MYOF: variants seen among roughly 807,000 people sequenced by gnomAD.
The protein encoded by MYOF is fer-1-like 3, myoferlin.
A neutral mutation model predicts 284.2 loss-of-function variants in MYOF; 244 were observed. The ratio of observed to expected loss-of-function variants is 0.86; its 90% CI spans 0.77 to 0.95. The LOEUF is 0.95. MYOF is among the 40% of genes least tolerant of loss of function. The pLI, the probability that MYOF is intolerant of heterozygous loss-of-function variation, is 0.00. For synonymous variants in MYOF, 904 were observed against 919.7 expected (o/e 0.98, Z 0.31); for missense variants, 2,496 against 2,560.6 (o/e 0.97, Z 0.54).
intron 24 of MYOF, among the ~76,000 whole-genome samples, chr10:93,372,641 G>A (rs1471340005): frequency 6.6e-6 from 1 of 152,190 alleles, no homozygotes; most frequent in Non-Finnish European, 1.5e-5. Context: ...ATTGCCTTGT[G>A]TGAAATATTA....
rs1847435331 is a variant in MYOF, at chr10:93,404,174, C to T, written c.775G>A (p.Glu259Lys). The T allele has an allele frequency of 1.9e-6, 3 of 1,614,052 alleles. No individual in the cohort carries two copies. The South Asian group carries it at 3.3e-5, about 18-fold the overall frequency. ...ACCCTTACCCGGATGCTGATGATCT[C>T]ATCCATCAATTCAGAAGGGGTCATG... ...VNMTPSELMD[E>K]IISIRVYNSH... Residue 259 changes from glutamate to lysine, a missense_variant, in exon 8 of 54, where the codon GAG (glutamate) becomes AAG (lysine). Around this residue, in one of 3 missense-constraint regions of MYOF, gnomAD observed 2,436 missense variants for 2,480.7 expected, o/e 0.98. Coordinates refer to ENST00000359263, the MANE Select transcript of MYOF (RefSeq NM_013451.4).
intron 24 of MYOF, 96 bp downstream of exon 24, chr10:93,372,834 C>A (rs1474369898): frequency 2.8e-6 from 4 of 1,409,144 alleles, no homozygotes; most frequent in Non-Finnish European, 3.0e-6. Context: ...ATCACCCTTA[C>A]CATTCAATGA....
chr10:93,421,613 G>A lies in MYOF; in HGVS notation c.433+4458C>T, dbSNP rs141714156. ...GTGGCTTCTCCGCAGTAATGAATGA[G>A]TTCACCTGAGAGCTGGTTGTTTAAA... On this transcript the variant is annotated intron_variant, in intron 5 of 53. Coordinates refer to ENST00000359263, the MANE Select transcript of MYOF (RefSeq NM_013451.4). Among the ~76,000 whole-genome samples the A allele has an allele frequency of 2.1e-3, 324 of 152,268 alleles. 2 individuals are homozygous for A. The highest frequency in any genetic ancestry group is 7.2e-3 in the African/African-American group (300 of 41,548).
chr10:93,409,510 A>G (rs1847795452), intron 6 of MYOF, 63 bp downstream of exon 6: 1 of 1,556,486 alleles, frequency 6.4e-7, no homozygotes, highest in Non-Finnish European at 8.7e-7. Context: ...ACATCACTGC[A>G]ATTGCCAGAA....
intron 3 of MYOF, among the ~76,000 whole-genome samples, chr10:93,436,258 A>AG (rs2134238020): frequency 6.6e-6 from 1 of 152,258 alleles, no homozygotes; most frequent in South Asian, 2.1e-4. Flanking sequence ...CTCCATTCTG[A>AG]CCCAATCAGT....
chr10:93,377,193 A>T (rs787622), intron 22 of MYOF, 130 bp downstream of exon 22: 243,286 of 678,080 alleles, frequency 0.36, 48,131 homozygotes, highest in Middle Eastern at 0.42. Flanking sequence ...AGGACTTTTT[A>T]CGAAGTTTGA....
In MYOF at chr10:93,328,743, A is replaced by G. The variant is rs1322462414; in HGVS notation, c.5131+20T>C. The G allele has an allele frequency of 1.9e-6, 3 of 1,601,754 alleles. No homozygotes were observed. The highest frequency in any genetic ancestry group is 1.7e-5 in the Admixed American group (1 of 59,850). ...TTACTATACTTTGTACCAGTTTACA[A>G]TCCACAGCTAGGTGCTCACCAAATT... is the stretch of plus-strand genomic sequence containing the variant. On this transcript the variant is annotated intron_variant, in intron 45 of 53. Coordinates refer to ENST00000359263, the MANE Select transcript of MYOF (RefSeq NM_013451.4).
chr10:93,461,364 C>G (rs1334349914), intron 1 of MYOF, among the ~76,000 whole-genome samples: 1 of 152,170 alleles, frequency 6.6e-6, no homozygotes, highest in Admixed American at 6.5e-5. Context: ...CAAAAATACC[C>G]AAGACATGGT....
Position 93,359,887 on chromosome 10 carries a change from C to T in MYOF, c.3066G>A (p.Arg1022=). The part of the protein sequence containing the change: ...EKMYHTHRRR[R]LVRKRKKDLT... ...AATCTTTCTTGCGTTTTCGGACCAG[C>T]CTTCGCCGTCTATGAGTGTGGTACA... The change falls in exon 29 of 54, where the codon AGG becomes AGA. Residue 1022 remains arginine, a synonymous_variant. Transcript: ENST00000359263. 6.2e-7 allele frequency: 1 copy of T among 1,614,184 alleles called. No individual in the cohort carries two copies. The highest frequency in any genetic ancestry group is 8.5e-7 in the Non-Finnish European group (1 of 1,180,028).
chr10:93,341,338 T>C (rs1564632392), intron 38 of MYOF, among the ~76,000 whole-genome samples: 2 of 151,946 alleles, frequency 1.3e-5, no homozygotes, highest in African/African-American at 2.4e-5. Flanking sequence ...TGCAATGGCA[T>C]GATCTCGGCT....
intron 1 of MYOF, among the ~76,000 whole-genome samples, chr10:93,477,777 G>A (rs1230107867): frequency 6.6e-6 from 1 of 152,166 alleles, no homozygotes; most frequent in Non-Finnish European, 1.5e-5. Flanking sequence ...AACCCAGGAG[G>A]TGGAGGTTGC....
At chr10:93,392,295 G>T (rs1178847768) in intron 17 of MYOF, among the ~76,000 whole-genome samples, 3 of 151,764 alleles carry the variant, frequency 2.0e-5, no homozygotes, top group Admixed American at 2.0e-4. Context: ...TTATGGCAGG[G>T]CGAATCATGC....
chr10:93,461,857 G>A (rs1181789954), intron 1 of MYOF, among the ~76,000 whole-genome samples: 3 of 152,178 alleles, frequency 2.0e-5, no homozygotes, highest in African/African-American at 7.2e-5. Flanking sequence ...TAACTCATGA[G>A]AAAAACCAAG....
chr10:93,307,041 GTA>G (rs1488939282), intron 53 of MYOF, 40 bp from the exon 54 acceptor site: 12 of 1,532,354 alleles, frequency 7.8e-6, no homozygotes, highest in Non-Finnish European at 1.1e-5. Context: ...AAACATGTAT[GTA>G]TATATGTTTT....
At chr10:93,316,066 A>T (rs1414170084) in intron 50 of MYOF, among the ~76,000 whole-genome samples, 1 of 152,098 alleles carries the variant, frequency 6.6e-6, no homozygotes, top group African/African-American at 2.4e-5. Context: ...TTGAGGTTGC[A>T]GTGAGCTATG....
chr10:93,452,235 C>T (rs973686545), intron 2 of MYOF, 94 bp from the exon 3 acceptor site: 84 of 785,480 alleles, frequency 1.1e-4, no homozygotes, highest in Non-Finnish European at 1.7e-4. Context: ...CATGTTGGGT[C>T]ATTATTTTCA....
chr10:93,378,429 A>T (rs1845942182), intron 21 of MYOF, among the ~76,000 whole-genome samples: 3 of 152,050 alleles, frequency 2.0e-5, no homozygotes, highest in Admixed American at 2.0e-4. Flanking sequence ...GACAGTTATG[A>T]TTAAGTCAAT....
At chr10:93,316,336 G>T (rs563293642) in intron 50 of MYOF, among the ~76,000 whole-genome samples, 2 of 151,962 alleles carry the variant, frequency 1.3e-5, no homozygotes, top group Admixed American at 1.3e-4. Context: ...GAGAAATGGC[G>T]GGGGGGTTGG....
At chr10:93,423,846 C>A (rs866388049) in intron 5 of MYOF, among the ~76,000 whole-genome samples, 258 of 146,930 alleles carry the variant, frequency 1.8e-3, no homozygotes, top group Middle Eastern at 0.01. Context: ...AAAAAAAAAA[C>A]AAACCAAAAA....
Sources: gnomAD v4.1 joint callset for allele counts (sites outside exome capture counted in the v4.1 genomes callset) on GRCh38, gnomAD v4.1.1 for gene constraint, gnomAD v4.1.1 regional missense constraint, MANE v1.5 for transcripts, NCBI Gene and HGNC (gene_info 2026-07-23, HGNC 2026-07-21) for gene names.